The following MICAL2 variants were observed in gnomAD, a reference collection of about 807,000 sequenced individuals.
The protein encoded by MICAL2 is microtubule associated monooxygenase, calponin and LIM domain containing 2.
A neutral mutation model predicts 127.3 loss-of-function variants in MICAL2; 77 were observed. The observed-to-expected ratio is 0.60, with a 90% CI of 0.50 to 0.73. The LOEUF (loss-of-function observed/expected upper bound fraction) is 0.73. Ranked by LOEUF, MICAL2 falls within the 30% of genes least tolerant of loss-of-function variation. MICAL2 has a pLI of 0.00. For missense variants in MICAL2, 1,351 were observed against 1,434.4 expected (o/e 0.94, Z 0.94); for synonymous variants, 570 against 551.1 (o/e 1.03, Z -0.48).
rs1860087778 is a variant in MICAL2, at chr11:12,242,341, A to G, written c.2465A>G (p.Asn822Ser). 1 of 1,614,032 alleles carries G rather than the reference A, an allele frequency of 6.2e-7. No homozygotes were observed. The highest frequency in any genetic ancestry group is 1.3e-5 in the African/African-American group (1 of 74,998). The change falls in exon 19 of 28, where the codon AAT becomes AGT. Residue 822 changes from asparagine (N) to serine (S), a missense_variant. Asn to Ser is a conservative substitution (Grantham distance 46). Coordinates refer to ENST00000683283, the MANE Select transcript of MICAL2 (RefSeq NM_001282663.2). ...KSDLQLGGTE[N>S]FATLPSTRPR... Reference sequence around the variant, plus strand: ...GACCTACAGCTGGGTGGGACAGAAAATTTCGCTACCCTGCCTTCTACCCGC... The same window carrying G: ...GACCTACAGCTGGGTGGGACAGAAAGTTTCGCTACCCTGCCTTCTACCCGC...
At chr11:12,344,661 A>G (rs914146874) in intron 32 of MICAL2, among the ~76,000 whole-genome samples, 8 of 150,138 alleles carry the variant, frequency 5.3e-5, no homozygotes, top group African/African-American at 1.9e-4. Flanking sequence ...CACTATGCCA[A>G]GCTAACTTTT....
In MICAL2 at chr11:12,262,186, A is replaced by G. The variant is rs529770329; in HGVS notation, c.3335-294A>G. On this transcript the variant is annotated intron_variant, in intron 26 of 27. Transcript: ENST00000683283. ...ATGAATGCCTCTAGGCCTCCGCAAC[A>G]TATTCAAGAATGAATGGGAGACGCT... 98 of 1,293,570 alleles carry G rather than the reference A, an allele frequency of 7.6e-5. 1 individual carries two copies. Among genetic ancestry groups the G allele is most frequent in the Non-Finnish European group, 3.7e-5 (38 of 1,013,754 alleles). The allele number at this position is 1,293,570 out of a possible 1,614,324, so 80.1% of individuals were successfully genotyped here.
At chr11:12,198,580 G>C (rs1349949199) in intron 3 of MICAL2, among the ~76,000 whole-genome samples, 6 of 152,142 alleles carry the variant, frequency 3.9e-5, no homozygotes, top group Non-Finnish European at 8.8e-5. Flanking sequence ...CTGGTACTGA[G>C]AGCCAGGGAG....
chr11:12,321,553 C>T (rs1318645607), intron 30 of MICAL2, among the ~76,000 whole-genome samples: 1 of 152,220 alleles, frequency 6.6e-6, no homozygotes, highest in African/African-American at 2.4e-5. Context: ...TTCTGCCAAG[C>T]TTCTGCATCT....
chr11:12,285,586 T>C (rs1391047035), intron 2 of MICAL2, among the ~76,000 whole-genome samples: 1 of 152,232 alleles, frequency 6.6e-6, no homozygotes, highest in Non-Finnish European at 1.5e-5. Flanking sequence ...CAGATCTCTG[T>C]CACTGTCATA....
intron 3 of MICAL2, among the ~76,000 whole-genome samples, chr11:12,188,744 C>T (rs1858663383): frequency 6.6e-6 from 1 of 152,132 alleles, no homozygotes; most frequent in Admixed American, 6.5e-5. Context: ...TCAGAGCCTC[C>T]ACTTCCTCAT....
chr11:12,222,560 G>C, intron 10 of MICAL2, 57 bp from the exon 11 acceptor site: 2 of 1,610,794 alleles, frequency 1.2e-6, no homozygotes, highest in Admixed American at 1.7e-5. Flanking sequence ...GAAGGGTGGG[G>C]ACAAGGCCTG....
At chr11:12,156,835 G>C (rs544755914) in intron 2 of MICAL2, among the ~76,000 whole-genome samples, 1 of 152,382 alleles carries the variant, frequency 6.6e-6, no homozygotes, top group African/African-American at 2.4e-5. Flanking sequence ...AAGGTCTTCT[G>C]TGTGCGAGAG....
chr11:12,360,618 A>G (rs917186896), downstream of MICAL2, among the ~76,000 whole-genome samples: 1 of 152,232 alleles, frequency 6.6e-6, no homozygotes, highest in Non-Finnish European at 1.5e-5. Context: ...TTGAGTTGTT[A>G]TTGTGCAAAA....
At chr11:12,345,116 C>CAAAAAAAAAAAAAAAAAAAA (rs796748173) in intron 32 of MICAL2, among the ~76,000 whole-genome samples, 6 of 110,530 alleles carry the variant, frequency 5.4e-5, no homozygotes, top group African/African-American at 2.1e-4. Flanking sequence ...GAATCCATCT[C>CAAAAAAAAAAAAAAAAAAAA]AAAAAAAAAA....
chr11:12,204,133 A>C (rs1051808441), intron 3 of MICAL2, 117 bp from the exon 4 acceptor site: 70 of 923,856 alleles, frequency 7.6e-5, no homozygotes, highest in Non-Finnish European at 1.9e-5. Flanking sequence ...CACAGCTTGC[A>C]CTTGCTGGTT....
chr11:12,178,263 CAAAG>C (rs1200750982), intron 3 of MICAL2, among the ~76,000 whole-genome samples: 1 of 152,132 alleles, frequency 6.6e-6, no homozygotes, highest in Non-Finnish European at 1.5e-5. Flanking sequence ...TGACAAAAAA[CAAAG>C]AACAAAAAAA....
At chr11:12,117,407 G>C (rs1330065885) in intron 1 of MICAL2, among the ~76,000 whole-genome samples, 1 of 152,240 alleles carries the variant, frequency 6.6e-6, no homozygotes, top group African/African-American at 2.4e-5. Context: ...TTCTGGCCTT[G>C]CTGCAGCAGT....
intron 3 of MICAL2, among the ~76,000 whole-genome samples, chr11:12,188,990 C>T (rs1314486846): frequency 2.6e-5 from 4 of 152,130 alleles, no homozygotes; most frequent in African/African-American, 9.7e-5. Context: ...CATAATTTTA[C>T]ACTTCCTCTC....
chr11:12,147,075 A>G (rs186200750), intron 2 of MICAL2, among the ~76,000 whole-genome samples: 70,974 of 150,286 alleles, frequency 0.47, 17,466 homozygotes, highest in South Asian at 0.68. Context: ...TGGGGGGAGC[A>G]GGGAAGGATA....
At chr11:12,223,338 G>C (rs1857044137) in intron 11 of MICAL2, 73 bp from the exon 12 acceptor site, 3 of 1,328,566 alleles carry the variant, frequency 2.3e-6, no homozygotes, top group Non-Finnish European at 3.2e-6. Flanking sequence ...ATTGGGGGTG[G>C]GTCGAGTTTA....
At chr11:12,328,441 A>G (rs1046751504) in intron 32 of MICAL2, among the ~76,000 whole-genome samples, 3 of 152,206 alleles carry the variant, frequency 2.0e-5, no homozygotes, top group African/African-American at 7.2e-5. Context: ...ACAAGAGTTA[A>G]CCAGTAAAGA....
downstream of MICAL2, among the ~76,000 whole-genome samples, chr11:12,295,296 C>T (rs1283707773): frequency 3.3e-5 from 5 of 152,038 alleles, no homozygotes; most frequent in East Asian, 3.9e-4. Context: ...TGTGTCACCA[C>T]GCCCAGCTAA....
At chr11:12,184,226 T>C (rs937556225) in intron 3 of MICAL2, among the ~76,000 whole-genome samples, 21 of 152,234 alleles carry the variant, frequency 1.4e-4, no homozygotes, top group African/African-American at 5.1e-4. Flanking sequence ...GTGGCCGGCA[T>C]AGAGGAAGAT....
Sources: allele counts gnomAD v4.1 joint callset (sites outside exome capture counted in the v4.1 genomes callset), GRCh38; gene constraint gnomAD v4.1.1; transcripts MANE v1.5; gene names NCBI Gene and HGNC (gene_info 2026-07-23, HGNC 2026-07-21).